PROS1: variants seen among roughly 807,000 people sequenced by gnomAD.
PROS1 encodes the protein protein S, also known as vitamin K-dependent protein S.
A neutral mutation model predicts 75.9 loss-of-function variants in PROS1; 29 were observed. The observed-to-expected ratio is 0.38, with a 90% CI of 0.28 to 0.52. The LOEUF (loss-of-function observed/expected upper bound fraction) is 0.52. Ranked by LOEUF, PROS1 falls within the 20% of genes least tolerant of loss-of-function variation. PROS1 has a pLI of 0.83. For missense variants in PROS1, 680 were observed against 810.3 expected (o/e 0.84, Z 1.95); for synonymous variants, 245 against 280.6 (o/e 0.87, Z 1.27).
chr3:93,973,258 C>T (rs772786618), intron 1 of PROS1, among the ~76,000 whole-genome samples: 3 of 152,160 alleles, frequency 2.0e-5, no homozygotes, highest in African/African-American at 4.8e-5. Flanking sequence ...AGGCAGGTTT[C>T]AGGAGACGGG....
intron 12 of PROS1, 136 bp downstream of exon 12, chr3:93,884,592 T>C: frequency 1.0e-6 from 1 of 999,400 alleles, no homozygotes; most frequent in Non-Finnish European, 1.5e-6. Flanking sequence ...AGGTATATAA[T>C]AGTATGAATA....
intron 1 of PROS1, among the ~76,000 whole-genome samples, chr3:93,937,368 ATT>A (rs11345121): frequency 3.1e-3 from 395 of 129,358 alleles, no homozygotes; most frequent in Non-Finnish European, 2.7e-3. Flanking sequence ...TCATGAGTTG[ATT>A]TTTTTTTTTT....
At chr3:93,913,607 G>A (rs566320917) in intron 3 of PROS1, among the ~76,000 whole-genome samples, 14 of 152,194 alleles carry the variant, frequency 9.2e-5, no homozygotes, top group African/African-American at 2.4e-4. Context: ...TTTGCCTTCC[G>A]CCATGATTCT....
chr3:93,897,554 A>C (rs1302528020), intron 8 of PROS1, among the ~76,000 whole-genome samples: 2 of 152,096 alleles, frequency 1.3e-5, no homozygotes, highest in Non-Finnish European at 2.9e-5. Context: ...CATTTCAATT[A>C]AGTAGTAACG....
At chr3:93,947,346 G>A (rs1709421030) in intron 1 of PROS1, among the ~76,000 whole-genome samples, 1 of 152,040 alleles carries the variant, frequency 6.6e-6, no homozygotes, top group Non-Finnish European at 1.5e-5. Context: ...TAACAAAACA[G>A]TTTAAGTCTC....
chr3:93,928,917 C>T (rs1003682182), intron 1 of PROS1: 9 of 325,460 alleles, frequency 2.8e-5, no homozygotes, highest in Non-Finnish European at 4.6e-5. Context: ...GCATATTAGA[C>T]TGGCAAAACT....
At chr3:93,892,410 A>G (rs1219126928) in intron 10 of PROS1, among the ~76,000 whole-genome samples, 1 of 151,964 alleles carries the variant, frequency 6.6e-6, no homozygotes, top group Non-Finnish European at 1.5e-5. Context: ...GGATCACCTG[A>G]GGTCTGGAGT....
rs199469496 is a variant in PROS1 at position 93,884,827 on chromosome 3, C to T, written c.1393G>A (p.Glu465Lys). The change falls in exon 12 of 15, where the codon GAA becomes AAA. Residue 465 changes from glutamate to lysine, a missense_variant. By Grantham distance (56) the Glu-to-Lys change is moderately conservative (BLOSUM62 1). Coordinates refer to ENST00000394236, the MANE Select transcript of PROS1 (RefSeq NM_000313.4). ...TTATTTTGTTTTTCTTGAATAATTTCCTTTATTCCAGAAGCTCCTTGCTTC... is the reference window on the plus strand; with the variant it reads ...TTATTTTGTTTTTCTTGAATAATTTTCTTTATTCCAGAAGCTCCTTGCTTC... ...LMKQGASGIKEIIQEKQNKHC... is the reference protein window; with the variant it reads ...LMKQGASGIKKIIQEKQNKHC... 18 of 1,613,212 alleles carry T rather than the reference C, an allele frequency of 1.1e-5. No individual in the cohort carries two copies. In the East Asian group the frequency reaches 4.0e-4, roughly 36 times the overall value.
At chr3:93,931,885 A>C (rs987666509) in intron 1 of PROS1, among the ~76,000 whole-genome samples, 2 of 152,256 alleles carry the variant, frequency 1.3e-5, no homozygotes, top group African/African-American at 4.8e-5. Flanking sequence ...TTTGTAAAAG[A>C]AATTATGTGG....
chr3:93,964,255 G>A (rs1003878905), intron 1 of PROS1, among the ~76,000 whole-genome samples: 2 of 152,162 alleles, frequency 1.3e-5, no homozygotes, highest in Admixed American at 6.5e-5. Flanking sequence ...CTCCCTGCGG[G>A]GTTGGGCAAA....
At chr3:93,910,794 A>T in intron 3 of PROS1, 89 bp from the exon 4 acceptor site, 1 of 1,015,762 alleles carries the variant, frequency 9.8e-7, no homozygotes, top group Non-Finnish European at 1.5e-6. Context: ...GAGGTAGGAC[A>T]TTTATGCTCC....
At chr3:93,940,308 T>G (rs946631465) in intron 1 of PROS1, among the ~76,000 whole-genome samples, 2 of 151,986 alleles carry the variant, frequency 1.3e-5, no homozygotes, top group African/African-American at 4.8e-5. Context: ...GGAAGTCTCC[T>G]GGAAGCCTCC....
At chr3:93,918,967 TC>T (rs1244704199) in intron 3 of PROS1, among the ~76,000 whole-genome samples, 3 of 152,236 alleles carry the variant, frequency 2.0e-5, no homozygotes, top group Non-Finnish European at 4.4e-5. Flanking sequence ...CTAATTTTTT[TC>T]TCAGAACTTG....
chr3:93,958,679 T>G (rs1440681679), intron 1 of PROS1: 1 of 152,250 alleles, frequency 6.6e-6, no homozygotes, highest in Non-Finnish European at 1.5e-5. Context: ...CCCCATACTG[T>G]TCTCATGGTG....
At chr3:93,954,051 C>T (rs1231898426) in intron 1 of PROS1, among the ~76,000 whole-genome samples, 2 of 152,128 alleles carry the variant, frequency 1.3e-5, no homozygotes, top group Non-Finnish European at 2.9e-5. Flanking sequence ...GAAATACAAA[C>T]CCCTGCTCAA....
chr3:93,906,683 C>G (rs1328540551), intron 4 of PROS1, among the ~76,000 whole-genome samples: 5 of 152,228 alleles, frequency 3.3e-5, no homozygotes, highest in African/African-American at 1.2e-4. Context: ...TGCAGCTGCC[C>G]AAGCCTGGCT....
intron 1 of PROS1, among the ~76,000 whole-genome samples, chr3:93,931,736 G>T (rs1709109170): frequency 6.6e-6 from 1 of 151,628 alleles, no homozygotes; most frequent in Admixed American, 6.6e-5. Flanking sequence ...TTTGGTTACG[G>T]TTTTGGCTGC....
At chr3:93,883,366 A>G (rs763248658) in intron 12 of PROS1, among the ~76,000 whole-genome samples, 2 of 152,078 alleles carry the variant, frequency 1.3e-5, no homozygotes, top group Non-Finnish European at 2.9e-5. Context: ...TAGAGAGGCT[A>G]AGGCAAGCAG....
chr3:93,963,717 AC>A lies in PROS1; in HGVS notation c.76+9956del. Among the ~76,000 whole-genome samples, 4 of 152,208 alleles carry A rather than the reference AC, an allele frequency of 2.6e-5. No homozygotes were observed. In the Middle Eastern group the frequency reaches 0.014, roughly 518 times the overall value. ...CGCGAGCTAGAAGGAGAGGTCCCAG[AC>A]TTTAAACAACCAGATCTCACGTGAA... On this transcript the variant is annotated intron_variant, in intron 1 of 14. Coordinates refer to ENST00000394236, the MANE Select transcript of PROS1 (RefSeq NM_000313.4).
Sources: allele counts gnomAD v4.1 joint callset (sites outside exome capture counted in the v4.1 genomes callset), GRCh38; gene constraint gnomAD v4.1.1; transcripts MANE v1.5; gene names NCBI Gene and HGNC (gene_info 2026-07-23, HGNC 2026-07-21).